Variants in CEBPZ observed in about 807,000 individuals in gnomAD.
CEBPZ encodes the protein CCAAT/enhancer-binding protein zeta.
CEBPZ carries 78 observed loss-of-function variants against 104.5 expected under a neutral mutation model. That is an observed-to-expected ratio of 0.75 (90% CI 0.62 to 0.90). The LOEUF is 0.90. CEBPZ is among the 40% of genes least tolerant of loss of function. The pLI is 0.00. For missense variants in CEBPZ, 1,439 were observed against 1,233.5 expected (o/e 1.17, Z -2.50); for synonymous variants, 470 against 427.0 (o/e 1.10, Z -1.24).
chr2:37,231,037 C>T (rs1174911943), intron 1 of CEBPZ, among the ~76,000 whole-genome samples: 1 of 152,172 alleles, frequency 6.6e-6, no homozygotes, highest in Non-Finnish European at 1.5e-5. Flanking sequence ...TACAGTGACA[C>T]GTGCATGTAC....
rs992432583 is a variant in CEBPZ at position 37,228,603 on chromosome 2, T to C, written c.590A>G (p.Gln197Arg). 2 of 1,614,082 alleles carry C rather than the reference T, an allele frequency of 1.2e-6. No homozygotes were observed. The highest frequency in any genetic ancestry group is 2.7e-5 in the African/African-American group (2 of 74,940). ...GTACTTAGATACAACATCCTGAGGCTGGGGTTTCAAAGAATATTCATTGCT... is the reference window on the plus strand; with the variant it reads ...GTACTTAGATACAACATCCTGAGGCCGGGGTTTCAAAGAATATTCATTGCT... ...EYSNEYSLKP[Q>R]PQDVVSKYKT... Residue 197 changes from glutamine to arginine, a missense_variant, in exon 2 of 16, where the codon CAG (glutamine) becomes CGG (arginine). By Grantham distance (43) the Gln-to-Arg change is conservative (BLOSUM62 1). Transcript: ENST00000234170.
chr2:37,202,582 T>C lies in CEBPZ; in HGVS notation c.3025+202A>G, dbSNP rs367610537. On this transcript the variant is annotated intron_variant, in intron 15 of 15. Transcript: ENST00000234170. ...ATTACTTGAACATGGGAGATGGAGGTTGCAGTGAGCCAAGATCATGCCACT... is the reference window on the plus strand; with the variant it reads ...ATTACTTGAACATGGGAGATGGAGGCTGCAGTGAGCCAAGATCATGCCACT... The C allele has an allele frequency of 2.9e-4, 110 of 385,116 alleles. 2 individuals carry two copies. In the East Asian group the frequency reaches 4.1e-3, roughly 14 times the overall value. 23.9% of individuals were successfully genotyped at this position (385,116 alleles called of 1,614,324 possible). A position where few individuals can be genotyped will look rare whatever the true frequency, so the allele number is the denominator to read the frequency against.
chr2:37,206,682 C>T (rs1447004678), intron 13 of CEBPZ, among the ~76,000 whole-genome samples: 1 of 152,132 alleles, frequency 6.6e-6, no homozygotes, highest in Non-Finnish European at 1.5e-5. Context: ...TGAAACAAAA[C>T]CTTGAAGTAC....
At chr2:37,212,560 C>A in intron 10 of CEBPZ, 168 bp from the exon 11 acceptor site, 1 of 598,014 alleles carries the variant, frequency 1.7e-6, no homozygotes, top group Non-Finnish European at 2.9e-6. Context: ...TGTATACAAA[C>A]CTGTGAAATA....
Position 37,221,153 on chromosome 2 carries a change from T to C in CEBPZ, c.2066-680A>G, listed in dbSNP as rs1437696644. Among the ~76,000 whole-genome samples the C allele has an allele frequency of 4.0e-5, 6 of 150,710 alleles. No homozygotes were observed. In the South Asian group the frequency reaches 6.3e-4, roughly 16 times the overall value. Reference sequence around the variant, plus strand: ...GGTGCACAGAGTGGGATTTCGTCTCTACAAAAAACACAACTAGCCATACCT... The same window carrying C: ...GGTGCACAGAGTGGGATTTCGTCTCCACAAAAAACACAACTAGCCATACCT... On this transcript the variant is annotated intron_variant, in intron 4 of 15. Coordinates refer to ENST00000234170, the MANE Select transcript of CEBPZ (RefSeq NM_005760.3).
Position 37,201,820 on chromosome 2 carries a change from GT to G in CEBPZ, c.3108del (p.Lys1036AsnfsTer24). 6.3e-7 allele frequency: 1 copy of G among 1,595,188 alleles called. No homozygotes were observed. Among genetic ancestry groups the G allele is most frequent in the Non-Finnish European group, 8.6e-7 (1 of 1,162,790 alleles). ...RDAKSIIKKK[K>X]HFKKKRIKTT... ...GTTTTAATCCTCTTCTTTTTAAAATGTTTCTTTTTCTTGATGATACTTTTTG... is the reference window on the plus strand; with the variant it reads ...GTTTTAATCCTCTTCTTTTTAAAATGTTCTTTTTCTTGATGATACTTTTTG... On this transcript the variant is annotated frameshift_variant, in exon 16 of 16. Transcript: ENST00000234170. LOFTEE classifies it high-confidence loss of function.
intron 5 of CEBPZ, among the ~76,000 whole-genome samples, chr2:37,220,140 A>T (rs191828645): frequency 6.6e-6 from 1 of 152,030 alleles, no homozygotes; most frequent in African/African-American, 2.4e-5. Context: ...AACATGGTGA[A>T]ACCCCGTCTC....
chr2:37,209,068 T>C (rs1420142877), intron 13 of CEBPZ: 1 of 146,500 alleles, frequency 6.8e-6, no homozygotes. Context: ...AAAATAATAA[T>C]ACTTAGGAAT....
chr2:37,226,357 G>C (rs904978403), intron 2 of CEBPZ, among the ~76,000 whole-genome samples: 2 of 152,108 alleles, frequency 1.3e-5, no homozygotes, highest in Admixed American at 6.5e-5. Flanking sequence ...AAGGATAGCC[G>C]CCAACATTTC....
At chr2:37,205,278 C>A (rs1677497974) in intron 13 of CEBPZ, among the ~76,000 whole-genome samples, 1 of 152,316 alleles carries the variant, frequency 6.6e-6, no homozygotes, top group South Asian at 2.1e-4. Context: ...CCTGCACGCA[C>A]ACATCCAGAT....
chr2:37,228,825 A>C lies in CEBPZ; in HGVS notation c.368T>G (p.Ile123Arg), dbSNP rs764723028. 2 of 1,599,944 alleles carry C rather than the reference A, an allele frequency of 1.3e-6. No homozygotes were observed. Among genetic ancestry groups the C allele is most frequent in the East Asian group, 4.5e-5 (2 of 44,708 alleles). Residue 123 changes from isoleucine to arginine, a missense_variant, in exon 2 of 16, where the codon ATA (isoleucine) becomes AGA (arginine). Ile to Arg is a moderately conservative substitution (Grantham distance 97). Coordinates refer to ENST00000234170, the MANE Select transcript of CEBPZ (RefSeq NM_005760.3). The part of the protein sequence containing the change: ...SSKKEVKIPK[I>R]NNKNTAESQR... ...ACTTTCTGCTGTATTTTTATTATTTATTTTAGGTATTTTTACTTCTTTTTT... is the reference window on the plus strand; with the variant it reads ...ACTTTCTGCTGTATTTTTATTATTTCTTTTAGGTATTTTTACTTCTTTTTT...
chr2:37,226,524 A>G (rs929956097), intron 2 of CEBPZ, among the ~76,000 whole-genome samples: 5 of 152,190 alleles, frequency 3.3e-5, no homozygotes, highest in Non-Finnish European at 5.9e-5. Context: ...CATAATAATC[A>G]TATGAGATAG....
intron 10 of CEBPZ, chr2:37,213,502 C>A: frequency 6.0e-6 from 1 of 166,370 alleles, no homozygotes. Flanking sequence ...ACCTCTGACT[C>A]CTGGATTCAA....
At chr2:37,229,655 C>T (rs1383111142) in intron 1 of CEBPZ, among the ~76,000 whole-genome samples, 1 of 152,178 alleles carries the variant, frequency 6.6e-6, no homozygotes, top group African/African-American at 2.4e-5. Flanking sequence ...CAACTCCAAT[C>T]ACAACTATTT....
At chr2:37,206,188 G>C (rs967573353) in intron 13 of CEBPZ, among the ~76,000 whole-genome samples, 1 of 152,186 alleles carries the variant, frequency 6.6e-6, no homozygotes, top group Non-Finnish European at 1.5e-5. Context: ...CAGGACTAAC[G>C]TGCAGCTCCC....
intron 2 of CEBPZ, among the ~76,000 whole-genome samples, chr2:37,226,495 G>A (rs538792471): frequency 6.6e-6 from 1 of 152,288 alleles, no homozygotes; most frequent in South Asian, 2.1e-4. Flanking sequence ...GTAGAACCTT[G>A]TGCAAGTTTC....
chr2:37,204,335 G>C (rs554154332), intron 13 of CEBPZ: 1 of 149,036 alleles, frequency 6.7e-6, no homozygotes, highest in African/African-American at 2.5e-5. Context: ...TGGAGTACAG[G>C]GGCGTGATCT....
chr2:37,229,847 G>A (rs1305484061), intron 1 of CEBPZ, among the ~76,000 whole-genome samples: 2 of 151,920 alleles, frequency 1.3e-5, no homozygotes, highest in South Asian at 2.1e-4. Flanking sequence ...GGCACTACAC[G>A]CCCAGCTATT....
At chr2:37,215,068 G>C (rs1428672618) in intron 8 of CEBPZ, 116 bp from the exon 9 acceptor site, 2 of 717,980 alleles carry the variant, frequency 2.8e-6, no homozygotes, top group Non-Finnish European at 4.8e-6. Context: ...GAATTGTGTG[G>C]GAAGGTAGAC....
Sources: allele counts gnomAD v4.1 joint callset (sites outside exome capture counted in the v4.1 genomes callset), GRCh38; gene constraint gnomAD v4.1.1; transcripts MANE v1.5; gene names NCBI Gene and HGNC (gene_info 2026-07-23, HGNC 2026-07-21).